Variants in NWD1 observed in about 807,000 individuals in gnomAD.
NWD1 encodes NACHT domain- and WD repeat-containing protein 1.
A neutral mutation model predicts 135.1 loss-of-function variants in NWD1; 129 were observed. The observed-to-expected ratio is 0.96, with a 90% CI of 0.83 to 1.11. NWD1 has a LOEUF of 1.11. Ranked by LOEUF, NWD1 falls within the 50% of genes least tolerant of loss-of-function variation. The probability of loss-of-function intolerance (pLI) is 0.00; values close to 1 mark genes in which losing one functional copy is unlikely to be tolerated. For synonymous variants in NWD1, 773 were observed against 786.0 expected (o/e 0.98, Z 0.28); for missense variants, 1,740 against 1,851.3 (o/e 0.94, Z 1.10).
chr19:16,773,292 C>T lies in NWD1; in HGVS notation c.2577C>T (p.Pro859=), dbSNP rs756307957. ...GATTCCTCCAGCCCCCGGGAGGACC[C>T]CTCCGGGCAACTCTCAGCGGCTGTC... ...LGGFLQPPGG[P]LRATLSGCHK... Residue 859 remains proline, a synonymous_variant, in exon 11 of 19, where the codon CCC becomes CCT. Transcript: ENST00000524140. The T allele has an allele frequency of 6.2e-7, 1 of 1,613,118 alleles. No homozygotes were observed. The highest frequency in any genetic ancestry group is 8.5e-7 in the Non-Finnish European group (1 of 1,179,954).
intron 2 of NWD1, among the ~76,000 whole-genome samples, chr19:16,729,857 G>T (rs1967485055): frequency 6.6e-6 from 1 of 151,224 alleles, no homozygotes; most frequent in African/African-American, 2.4e-5. Flanking sequence ...CACAGAGCGA[G>T]ACTCTGTCTC....
chr19:16,774,098 C>T (rs972232357), intron 11 of NWD1, among the ~76,000 whole-genome samples: 2 of 151,358 alleles, frequency 1.3e-5, no homozygotes, highest in African/African-American at 4.9e-5. Context: ...CCCACCCATC[C>T]ATTCATCCAC....
intron 5 of NWD1, among the ~76,000 whole-genome samples, chr19:16,748,628 A>G (rs904247907): frequency 6.6e-6 from 1 of 152,060 alleles, no homozygotes; most frequent in Non-Finnish European, 1.5e-5. Flanking sequence ...GTTGGAGACC[A>G]GCTTGGGCAA....
chr19:16,725,128 C>T (rs563427915), intron 2 of NWD1, among the ~76,000 whole-genome samples: 2 of 152,052 alleles, frequency 1.3e-5, no homozygotes, highest in African/African-American at 4.8e-5. Flanking sequence ...ATTCCCATGC[C>T]TCAGCCTCTC....
In NWD1 at chr19:16,797,969, T is replaced by C. The variant is rs1970476765; in HGVS notation, c.3459+83T>C. On this transcript the variant is annotated intron_variant, in intron 16 of 18. Transcript: ENST00000524140. ...TCTTTAGGGATTTTTGGCTGCAAAATACAGACACCCACAAAAATGAGTGCA... is the reference window on the plus strand; with the variant it reads ...TCTTTAGGGATTTTTGGCTGCAAAACACAGACACCCACAAAAATGAGTGCA... 3 of 1,360,838 alleles carry C rather than the reference T, an allele frequency of 2.2e-6. No individual in the cohort carries two copies. In the South Asian group the frequency reaches 4.0e-5, roughly 18 times the overall value. The allele number at this position is 1,360,838 out of a possible 1,614,324, so 84.3% of individuals were successfully genotyped here. A position where few individuals can be genotyped will look rare whatever the true frequency, so the allele number is the denominator to read the frequency against.
intron 6 of NWD1, among the ~76,000 whole-genome samples, chr19:16,751,606 G>A (rs895586191): frequency 2.0e-5 from 3 of 151,916 alleles, no homozygotes; most frequent in Admixed American, 2.0e-4. Context: ...TTTGAGACCA[G>A]TCTGGTCAAC....
intron 5 of NWD1, among the ~76,000 whole-genome samples, chr19:16,748,926 A>T (rs1968432743): frequency 6.6e-6 from 1 of 151,852 alleles, no homozygotes; most frequent in Non-Finnish European, 1.5e-5. Context: ...GCAAATGCAA[A>T]CTCCGGGGCC....
intron 11 of NWD1, among the ~76,000 whole-genome samples, chr19:16,773,889 A>G (rs1969500921): frequency 6.8e-6 from 1 of 147,978 alleles, no homozygotes; most frequent in Admixed American, 6.8e-5. Flanking sequence ...CCATTCATCT[A>G]TCCATCCATC....
rs142335143 is a variant in NWD1 at position 16,743,273 on chromosome 19, C to T, written c.199-1148C>T. ...TCCCCCAGGCTGGAGTGCAGTGGTGCGATCACAGCTCACTGCAGCCTCGAA... is the reference window on the plus strand; with the variant it reads ...TCCCCCAGGCTGGAGTGCAGTGGTGTGATCACAGCTCACTGCAGCCTCGAA... On this transcript the variant is annotated intron_variant, in intron 4 of 18. Transcript: ENST00000524140. Among the ~76,000 whole-genome samples the T allele has an allele frequency of 5.6e-3, 843 of 151,628 alleles. 7 individuals carry two copies. The highest frequency in any genetic ancestry group is 0.017 in the African/African-American group (685 of 41,332).
At chr19:16,787,879 T>A (rs1352307399) in intron 12 of NWD1, among the ~76,000 whole-genome samples, 4 of 44,220 alleles carry the variant, frequency 9.0e-5, no homozygotes, top group African/African-American at 1.5e-4. Flanking sequence ...ATAATAACAA[T>A]AATAATAATA....
intron 18 of NWD1, among the ~76,000 whole-genome samples, chr19:16,808,642 A>G (rs1970830512): frequency 6.6e-6 from 1 of 151,872 alleles, no homozygotes; most frequent in Non-Finnish European, 1.5e-5. Flanking sequence ...CAGGGACCCC[A>G]CTGTCACGAG....
intron 12 of NWD1, among the ~76,000 whole-genome samples, chr19:16,787,895 A>C (rs1428228477): frequency 1.3e-4 from 11 of 83,262 alleles, no homozygotes; most frequent in Non-Finnish European, 2.3e-4. Flanking sequence ...TAATAATAAT[A>C]ATAATAATAA....
intron 12 of NWD1, among the ~76,000 whole-genome samples, chr19:16,780,103 G>A (rs1005739178): frequency 2.0e-5 from 3 of 151,836 alleles, no homozygotes; most frequent in East Asian, 1.9e-4. Flanking sequence ...GCTCCACGTG[G>A]TCTGTCATCA....
intron 11 of NWD1, among the ~76,000 whole-genome samples, chr19:16,778,894 G>A (rs1373616423): frequency 1.3e-5 from 2 of 152,156 alleles, no homozygotes; most frequent in Non-Finnish European, 2.9e-5. Flanking sequence ...TCTCAGCCAT[G>A]GCATTGCTGA....
intron 4 of NWD1, among the ~76,000 whole-genome samples, chr19:16,743,440 T>C (rs1256540475): frequency 6.6e-6 from 1 of 151,834 alleles, no homozygotes; most frequent in Non-Finnish European, 1.5e-5. Flanking sequence ...ACTCCTGGGC[T>C]CAAGAGATCC....
chr19:16,749,600 GC>G lies in NWD1; in HGVS notation c.961del (p.Arg321GlyfsTer30). On this transcript the variant is annotated frameshift_variant, in exon 6 of 19. Coordinates refer to ENST00000524140, the MANE Select transcript of NWD1 (RefSeq NM_001007525.5). LOFTEE classifies it high-confidence loss of function. ...CTTCTGCGGACGCCAGGAACTCCTG[GC>G]CCGGCTTGGGCAGCAGCTCAGGCAC... ...QTFCGRQELLARLGQQLRHDD... is the reference protein window; with the variant it reads ...QTFCGRQELLXRLGQQLRHDD... The G allele has an allele frequency of 6.2e-7, 1 of 1,612,938 alleles. No individual in the cohort carries two copies. The highest frequency in any genetic ancestry group is 1.1e-5 in the South Asian group (1 of 91,022).
chr19:16,737,740 A>C (rs1292796670), intron 4 of NWD1, among the ~76,000 whole-genome samples: 1 of 151,442 alleles, frequency 6.6e-6, no homozygotes, highest in African/African-American at 2.4e-5. Context: ...TTGGGAGGCC[A>C]AGGTGGGTGG....
Position 16,807,954 on chromosome 19 carries a change from G to A in NWD1, c.4105G>A (p.Gly1369Arg), listed in dbSNP as rs1970805819. ...CCGCGTGGTCTACAGCATGACCAAT[G>A]GGGACCTCTTTCTTTACGAGTGTGC... ...DYRVVYSMTN[G>R]DLFLYECATS... is the part of the protein sequence containing the mutation. The change falls in exon 18 of 19, where the codon GGG becomes AGG. Residue 1369 changes from glycine to arginine, a missense_variant. Transcript: ENST00000524140. The A allele has an allele frequency of 1.2e-6, 2 of 1,614,024 alleles. No homozygotes were observed. The highest frequency in any genetic ancestry group is 1.7e-5 in the Admixed American group (1 of 59,976).
At chr19:16,771,910 C>T (rs947267269) in intron 10 of NWD1, among the ~76,000 whole-genome samples, 5 of 148,584 alleles carry the variant, frequency 3.4e-5, no homozygotes, top group Non-Finnish European at 7.4e-5. Flanking sequence ...ATTCTCCTGT[C>T]TCAGCCTCCC....
Sources: allele counts gnomAD v4.1 joint callset (sites outside exome capture counted in the v4.1 genomes callset), GRCh38; gene constraint gnomAD v4.1.1; transcripts MANE v1.5; gene names NCBI Gene and HGNC (gene_info 2026-07-23, HGNC 2026-07-21).